The following PPP1R1C variants were observed in gnomAD, a reference collection of about 807,000 sequenced individuals.
The protein encoded by PPP1R1C is protein phosphatase 1 regulatory subunit 1C.
PPP1R1C carries 15 observed loss-of-function variants against 17.4 expected under a neutral mutation model. The observed-to-expected ratio is 0.86, with a 90% CI of 0.58 to 1.33. PPP1R1C has a LOEUF of 1.33. Ranked by LOEUF, PPP1R1C falls within the 40% of genes most tolerant of loss-of-function variation. PPP1R1C has a pLI of 0.00. For missense variants in PPP1R1C, 143 were observed against 130.0 expected (o/e 1.10, Z -0.48); for synonymous variants, 35 against 43.1 (o/e 0.81, Z 0.73).
At chr2:182,097,330 T>C (rs977805859) in intron 4 of PPP1R1C, among the ~76,000 whole-genome samples, 2 of 152,302 alleles carry the variant, frequency 1.3e-5, no homozygotes, top group East Asian at 1.9e-4. Flanking sequence ...ACAGACTCAC[T>C]CCTGAACACA....
chr2:182,052,936 C>T (rs913822067), intron 2 of PPP1R1C, among the ~76,000 whole-genome samples: 4 of 152,048 alleles, frequency 2.6e-5, no homozygotes, highest in Admixed American at 2.6e-4. Context: ...GAATTCTAAA[C>T]AAAATATGGC....
chr2:182,093,933 T>A (rs1183315339), intron 4 of PPP1R1C, among the ~76,000 whole-genome samples: 1 of 152,220 alleles, frequency 6.6e-6, no homozygotes, highest in Non-Finnish European at 1.5e-5. Flanking sequence ...TCCTGCCTGC[T>A]ACCCAGTTCC....
At chr2:181,964,986 G>A (rs755113318) in intron 1 of PPP1R1C, among the ~76,000 whole-genome samples, 3 of 152,180 alleles carry the variant, frequency 2.0e-5, no homozygotes, top group Non-Finnish European at 4.4e-5. Context: ...GATTACAGGC[G>A]TGAGCCATCG....
chr2:182,118,705 A>G (rs935697205), downstream of PPP1R1C, among the ~76,000 whole-genome samples: 1 of 152,104 alleles, frequency 6.6e-6, no homozygotes, highest in Non-Finnish European at 1.5e-5. Flanking sequence ...TTTTTCCCCA[A>G]GAAAATAAGT....
At chr2:181,983,361 T>C (rs1685227369), upstream of PPP1R1C, among the ~76,000 whole-genome samples, 1 of 152,176 alleles carries the variant, frequency 6.6e-6, no homozygotes, top group Non-Finnish European at 1.5e-5. Context: ...ATAGCAATAA[T>C]ATCTACCTCA....
At chr2:182,082,974 A>G in intron 4 of PPP1R1C, among the ~76,000 whole-genome samples, 1 of 152,148 alleles carries the variant, frequency 6.6e-6, no homozygotes, top group East Asian at 1.9e-4. Context: ...GATATTTGGG[A>G]ACACTGTTAG....
downstream of PPP1R1C, among the ~76,000 whole-genome samples, chr2:182,120,006 C>T (rs1041719238): frequency 6.6e-6 from 1 of 152,088 alleles, no homozygotes; most frequent in Non-Finnish European, 1.5e-5. Flanking sequence ...AATGGTATTG[C>T]CTAGGTTTTC....
chr2:182,002,114 T>C (rs1685784027), intron 2 of PPP1R1C, among the ~76,000 whole-genome samples: 1 of 152,138 alleles, frequency 6.6e-6, no homozygotes, highest in Non-Finnish European at 1.5e-5. Flanking sequence ...CCAGCACCCT[T>C]TCCTTATTTC....
chr2:181,979,279 G>C (rs1335604071), intron 2 of PPP1R1C, among the ~76,000 whole-genome samples: 4 of 152,122 alleles, frequency 2.6e-5, no homozygotes, highest in Admixed American at 2.0e-4. Context: ...TGAATTCGTA[G>C]TTCATCATTG....
intron 2 of PPP1R1C, among the ~76,000 whole-genome samples, chr2:181,978,843 T>C (rs957107141): frequency 2.6e-5 from 4 of 151,896 alleles, no homozygotes; most frequent in Admixed American, 1.3e-4. Context: ...ATGAGAGAGA[T>C]TGTTTCTTCC....
intron 1 of PPP1R1C, among the ~76,000 whole-genome samples, chr2:181,958,780 G>C (rs1377901260): frequency 6.6e-6 from 1 of 152,208 alleles, no homozygotes; most frequent in East Asian, 1.9e-4. Context: ...TTATTGAGAT[G>C]CATCCACATT....
intron 1 of PPP1R1C, among the ~76,000 whole-genome samples, chr2:181,974,083 T>C (rs1685056973): frequency 6.6e-6 from 1 of 152,052 alleles, no homozygotes; most frequent in Non-Finnish European, 1.5e-5. Flanking sequence ...ATCAGTCAAT[T>C]ATGCTACCTT....
At chr2:182,121,780 G>A (rs1344864481), downstream of PPP1R1C, among the ~76,000 whole-genome samples, 2 of 152,152 alleles carry the variant, frequency 1.3e-5, no homozygotes, top group South Asian at 4.1e-4. Context: ...GGGATTACAG[G>A]CGTGAGCCCC....
chr2:181,964,440 AT>A (rs1684869682), intron 1 of PPP1R1C, among the ~76,000 whole-genome samples: 1 of 152,196 alleles, frequency 6.6e-6, no homozygotes, highest in South Asian at 2.1e-4. Context: ...GGGAGCATAT[AT>A]CTGTTCAATT....
At chr2:182,050,246 G>A (rs573734646) in intron 2 of PPP1R1C, among the ~76,000 whole-genome samples, 6 of 152,274 alleles carry the variant, frequency 3.9e-5, no homozygotes, top group Non-Finnish European at 8.8e-5. Context: ...TTTCTACTCA[G>A]TTTTCTAGTA....
chr2:182,069,269 G>A (rs1196169), intron 4 of PPP1R1C, among the ~76,000 whole-genome samples: 1 of 151,170 alleles, frequency 6.6e-6, no homozygotes, highest in Non-Finnish European at 1.5e-5. Context: ...TACAAGTCTC[G>A]CTTTCTTTTT....
chr2:182,064,061 G>A (rs766281322), intron 4 of PPP1R1C: 5 of 413,714 alleles, frequency 1.2e-5, no homozygotes, highest in Middle Eastern at 6.2e-4. Flanking sequence ...TTTTTTTACC[G>A]TTATTCGCAT....
At chr2:182,032,415 A>G (rs964551372) in intron 2 of PPP1R1C, among the ~76,000 whole-genome samples, 5 of 152,178 alleles carry the variant, frequency 3.3e-5, no homozygotes, top group African/African-American at 9.7e-5. Flanking sequence ...TTACCATCCA[A>G]CATACCATAT....
In PPP1R1C at chr2:182,077,738, C is replaced by G. The variant is rs533246178; in HGVS notation, c.241+13947C>G. 2.1e-3 allele frequency among the ~76,000 whole-genome samples: 317 copies of G among 152,240 alleles called. 2 individuals are homozygous for G. The highest frequency in any genetic ancestry group is 7.1e-3 in the African/African-American group (295 of 41,538). On this transcript the variant is annotated intron_variant, in intron 4 of 4. Coordinates refer to ENST00000682840, the MANE Select transcript of PPP1R1C (RefSeq NM_001080545.3). ...ACTACATAGGCAAGGAGGGTTGACT[C>G]AGTATTTTCTTCATTGGCAATGAAA...
Sources: allele counts gnomAD v4.1 joint callset (sites outside exome capture counted in the v4.1 genomes callset), GRCh38; gene constraint gnomAD v4.1.1; transcripts MANE v1.5; gene names NCBI Gene and HGNC (gene_info 2026-07-23, HGNC 2026-07-21).